SGCZ: variants seen among roughly 807,000 people sequenced by gnomAD.
The protein encoded by SGCZ is sarcoglycan zeta, also known as zeta-sarcoglycan.
A neutral mutation model predicts 41.3 loss-of-function variants in SGCZ; 40 were observed. The ratio of observed to expected loss-of-function variants is 0.97; its 90% CI spans 0.75 to 1.26. SGCZ has a LOEUF of 1.26. Among genes scored for constraint, SGCZ ranks in the 50% most tolerant of loss-of-function variants. SGCZ has a pLI of 0.00. For missense variants in SGCZ, 552 were observed against 369.8 expected (o/e 1.49, Z -4.04); for synonymous variants, 206 against 137.5 (o/e 1.50, Z -3.49).
chr8:14,153,990 C>G (rs139617066), intron 5 of SGCZ, among the ~76,000 whole-genome samples: 297 of 152,138 alleles, frequency 2.0e-3, no homozygotes, highest in African/African-American at 7.0e-3. Context: ...AACAAGGCAG[C>G]TGTCTGCAAG....
In SGCZ at chr8:14,940,345, C is replaced by T. The variant is rs556953670; in HGVS notation, c.39+297240G>A. Among the ~76,000 whole-genome samples, 386 of 152,160 alleles carry T rather than the reference C, an allele frequency of 2.5e-3. 4 individuals carry two copies. Among genetic ancestry groups the T allele is most frequent in the African/African-American group, 9.0e-3 (374 of 41,534 alleles). On this transcript the variant is annotated intron_variant, in intron 1 of 7. Transcript: ENST00000382080. ...CATTATGCATCATAAAATATAACTA[C>T]AAAATGCCCTCAAATTTAAAAGCCA...
At chr8:15,167,764 T>TGGG (rs1488750883) in intron 1 of SGCZ, among the ~76,000 whole-genome samples, 2 of 152,214 alleles carry the variant, frequency 1.3e-5, no homozygotes, top group Non-Finnish European at 2.9e-5. Flanking sequence ...CTAGTTGTCT[T>TGGG]AAGTTTTTGC....
intron 1 of SGCZ, among the ~76,000 whole-genome samples, chr8:15,039,898 G>A (rs1431544691): frequency 2.6e-5 from 4 of 152,154 alleles, no homozygotes; most frequent in Non-Finnish European, 5.9e-5. Flanking sequence ...ACACTACTAA[G>A]TTCCAATACC....
intron 1 of SGCZ, among the ~76,000 whole-genome samples, chr8:14,655,214 A>C (rs1585157858): frequency 6.6e-6 from 1 of 152,118 alleles, no homozygotes; most frequent in African/African-American, 2.4e-5. Flanking sequence ...ACTGTTTGCC[A>C]GTAACTTCTT....
intron 1 of SGCZ, among the ~76,000 whole-genome samples, chr8:15,157,231 T>G (rs1402267572): frequency 6.6e-6 from 1 of 151,878 alleles, no homozygotes; most frequent in Non-Finnish European, 1.5e-5. Context: ...TATGATATTT[T>G]TCTCATAAAA....
intron 1 of SGCZ, among the ~76,000 whole-genome samples, chr8:14,964,298 T>A (rs1314111526): frequency 6.6e-6 from 1 of 152,168 alleles, no homozygotes; most frequent in East Asian, 1.9e-4. Flanking sequence ...TCACAAGACA[T>A]GTAAACAAGA....
At chr8:14,918,928 G>A (rs943841107) in intron 1 of SGCZ, among the ~76,000 whole-genome samples, 3 of 152,156 alleles carry the variant, frequency 2.0e-5, no homozygotes, top group African/African-American at 4.8e-5. Context: ...GGCAGCATAT[G>A]TTTTGGTTAA....
chr8:14,309,216 T>G (rs533203451), intron 3 of SGCZ: 13 of 1,500,898 alleles, frequency 8.7e-6, no homozygotes, highest in South Asian at 3.4e-5. Flanking sequence ...ATCTCTAAGT[T>G]TGATACTGTT....
At chr8:15,066,285 G>C (rs574987682) in intron 1 of SGCZ, among the ~76,000 whole-genome samples, 2 of 147,248 alleles carry the variant, frequency 1.4e-5, no homozygotes, top group Non-Finnish European at 3.0e-5. Flanking sequence ...TCCGCAGTCC[G>C]GCCTGGGCGA....
At position 14,086,972 on chromosome 8, in the gene SGCZ, C is replaced by G. The variant is rs749221885; in HGVS notation, c.*3471G>C. ...TCACAGATAAGTGAACTGTGACCAA[C>G]GTAATTAAATATATGTCTTAAGTAG... On this transcript the variant is annotated 3_prime_UTR_variant, in exon 8 of 8. Coordinates refer to ENST00000382080, the MANE Select transcript of SGCZ (RefSeq NM_139167.4). Among the ~76,000 whole-genome samples the G allele has an allele frequency of 1.3e-5, 2 of 151,410 alleles. No individual in the cohort carries two copies. Among genetic ancestry groups the G allele is most frequent in the Non-Finnish European group, 3.0e-5 (2 of 67,672 alleles).
chr8:14,966,739 T>C (rs1232624904), intron 1 of SGCZ, among the ~76,000 whole-genome samples: 1 of 152,168 alleles, frequency 6.6e-6, no homozygotes. Context: ...TGGGTTGTTT[T>C]CTTTTGTTTT....
intron 2 of SGCZ, among the ~76,000 whole-genome samples, chr8:14,408,458 G>A (rs1448753692): frequency 2.0e-5 from 3 of 152,016 alleles, no homozygotes; most frequent in South Asian, 2.1e-4. Context: ...GTCCTAATAC[G>A]CTCCATTCCC....
chr8:14,375,327 G>C (rs1163741473), intron 2 of SGCZ, among the ~76,000 whole-genome samples: 1 of 152,090 alleles, frequency 6.6e-6, no homozygotes. Flanking sequence ...TTAACAAGGA[G>C]ATATTTTAAC....
At chr8:14,697,210 G>C (rs1240614000) in intron 1 of SGCZ, among the ~76,000 whole-genome samples, 1 of 151,990 alleles carries the variant, frequency 6.6e-6, no homozygotes, top group African/African-American at 2.4e-5. Context: ...TATAGAATTT[G>C]GAGAAAGTGG....
At chr8:14,980,318 A>AT (rs1801619505) in intron 1 of SGCZ, among the ~76,000 whole-genome samples, 1 of 152,230 alleles carries the variant, frequency 6.6e-6, no homozygotes. Context: ...GTAAGAAGGA[A>AT]TCTACTCATT....
At chr8:14,284,544 T>C (rs1800559629) in intron 3 of SGCZ, among the ~76,000 whole-genome samples, 1 of 152,236 alleles carries the variant, frequency 6.6e-6, no homozygotes, top group Non-Finnish European at 1.5e-5. Flanking sequence ...GTAGATGGGT[T>C]TCCCTTTATT....
chr8:14,125,995 C>T (rs1326002848), intron 5 of SGCZ, among the ~76,000 whole-genome samples: 1 of 152,178 alleles, frequency 6.6e-6, no homozygotes, highest in African/African-American at 2.4e-5. Context: ...AGATTAAAGA[C>T]ATAAATGTAA....
intron 1 of SGCZ, among the ~76,000 whole-genome samples, chr8:14,597,639 G>A (rs993004919): frequency 3.3e-5 from 5 of 152,076 alleles, no homozygotes; most frequent in Non-Finnish European, 7.4e-5. Flanking sequence ...CACCATGCCC[G>A]GCTAATTTTG....
intron 1 of SGCZ, among the ~76,000 whole-genome samples, chr8:15,156,303 G>C (rs1275055649): frequency 6.6e-6 from 1 of 152,116 alleles, no homozygotes; most frequent in Non-Finnish European, 1.5e-5. Context: ...GCAATCTAAA[G>C]TTCCTACGCA....
Sources: gnomAD v4.1 joint callset for allele counts (sites outside exome capture counted in the v4.1 genomes callset) on GRCh38, gnomAD v4.1.1 for gene constraint, MANE v1.5 for transcripts, NCBI Gene and HGNC (gene_info 2026-07-23, HGNC 2026-07-21) for gene names.